The following C12orf42 variants were observed in gnomAD, a reference collection of about 807,000 sequenced individuals.
C12orf42 encodes chromosome 12 open reading frame 42, also known as uncharacterized protein C12orf42.
C12orf42 carries 25 observed loss-of-function variants against 21.6 expected under a neutral mutation model. That is an observed-to-expected ratio of 1.16 (90% CI 0.84 to 1.62). C12orf42 has a LOEUF of 1.62. C12orf42 is among the 40% of genes most tolerant of loss of function. The probability of loss-of-function intolerance (pLI) is 0.00; values close to 1 mark genes in which losing one functional copy is unlikely to be tolerated. For synonymous variants in C12orf42, 174 were observed against 175.0 expected (o/e 0.99, Z 0.05); for missense variants, 483 against 459.3 (o/e 1.05, Z -0.47).
At chr12:103,498,046 AG>A (rs1955615723), upstream of C12orf42, among the ~76,000 whole-genome samples, 1 of 152,116 alleles carries the variant, frequency 6.6e-6, no homozygotes, top group East Asian at 1.9e-4. Flanking sequence ...AAAAAAAAAA[AG>A]AAGAAAGAGA....
rs75666814 is a variant in C12orf42 at position 103,312,551 on chromosome 12, C to G, written c.260-6206G>C. Among the ~76,000 whole-genome samples the G allele has an allele frequency of 0.011, 1,743 of 152,274 alleles. 97 individuals carry two copies. In the East Asian group the frequency reaches 0.19, roughly 17 times the overall value. Reference sequence around the variant, plus strand: ...ATCAGAGTTTAAACTATCTGCCTCTCGAGGACCAACATTCTTAACCGTGTC... The same window carrying G: ...ATCAGAGTTTAAACTATCTGCCTCTGGAGGACCAACATTCTTAACCGTGTC... On this transcript the variant is annotated intron_variant, in intron 4 of 5. Coordinates refer to ENST00000548883, the MANE Select transcript of C12orf42 (RefSeq NM_198521.5).
the C12orf42 span, among the ~76,000 whole-genome samples, chr12:103,057,856 G>A: frequency 3.9e-5 from 6 of 152,022 alleles, no homozygotes; most frequent in African/African-American, 1.4e-4. Context: ...AGCATTGCCA[G>A]CATCCATTGT....
chr12:103,088,870 G>A, the C12orf42 span, among the ~76,000 whole-genome samples: 1,772 of 152,158 alleles, frequency 0.012, 36 homozygotes, highest in African/African-American at 0.04. Flanking sequence ...TTGGGAGGCC[G>A]AGGAGGCCAG....
chr12:103,437,712 T>C (rs1950850095), intron 2 of C12orf42, among the ~76,000 whole-genome samples: 1 of 149,548 alleles, frequency 6.7e-6, no homozygotes, highest in Middle Eastern at 3.2e-3. Flanking sequence ...CAGGAAGAAG[T>C]TGAATCTCTG....
At chr12:103,375,187 G>A (rs943895082) in intron 3 of C12orf42, among the ~76,000 whole-genome samples, 6 of 151,750 alleles carry the variant, frequency 4.0e-5, no homozygotes, top group African/African-American at 1.5e-4. Context: ...GAAAATTATA[G>A]GAAATGTCAG....
chr12:103,460,282 A>AAG (rs10535662), intron 2 of C12orf42, among the ~76,000 whole-genome samples: 1 of 143,120 alleles, frequency 7.0e-6, no homozygotes, highest in Non-Finnish European at 1.6e-5. Context: ...AAAAAAAAAA[A>AAG]AGAGAGAGAG....
rs11833847 is a variant in C12orf42 at position 103,489,599 on chromosome 12, G to A, written c.-22+6303C>T. Among the ~76,000 whole-genome samples, 861 of 152,254 alleles carry A rather than the reference G, an allele frequency of 5.7e-3. 11 individuals carry two copies. Among genetic ancestry groups the A allele is most frequent in the African/African-American group, 0.02 (820 of 41,538 alleles). On this transcript the variant is annotated intron_variant, in intron 1 of 5. Coordinates refer to ENST00000548883, the MANE Select transcript of C12orf42 (RefSeq NM_198521.5). ...CAGTAGGCCTTGCTGAGCTATGGTGGGTTCCCCCAGTTTGAGCTTCCCGGC... is the reference window on the plus strand; with the variant it reads ...CAGTAGGCCTTGCTGAGCTATGGTGAGTTCCCCCAGTTTGAGCTTCCCGGC...
the C12orf42 span, among the ~76,000 whole-genome samples, chr12:103,523,804 G>A: frequency 6.6e-6 from 1 of 151,658 alleles, no homozygotes; most frequent in Admixed American, 6.6e-5. Context: ...CCATAAAAGA[G>A]GTATTATTAG....
chr12:103,096,307 T>A, the C12orf42 span, among the ~76,000 whole-genome samples: 1,585 of 152,308 alleles, frequency 0.01, 9 homozygotes, highest in South Asian at 0.019. Context: ...ATGGAATAAT[T>A]TTTTTTCAAT....
chr12:103,281,919 GAAAGAA>G, intron 4 of C12orf42, among the ~76,000 whole-genome samples: 1 of 86,520 alleles, frequency 1.2e-5, no homozygotes, highest in Non-Finnish European at 2.5e-5. Flanking sequence ...GAAAGAAAAA[GAAAGAA>G]AGAAAGAAAG....
At position 103,481,881 on chromosome 12, in the gene C12orf42, G is replaced by T. The variant is rs906001710; in HGVS notation, c.-21-3434C>A. ...TCTTTTTCTAGTTTCTCCCCTCTAC[G>T]TCTTGGAAGTTATTCATACAATTTT... On this transcript the variant is annotated intron_variant, in intron 1 of 5. Transcript: ENST00000548883. Among the ~76,000 whole-genome samples the T allele has an allele frequency of 2.0e-5, 3 of 149,294 alleles. No homozygotes were observed. In the East Asian group the frequency reaches 5.8e-4, roughly 29 times the overall value.
chr12:103,483,941 T>C (rs1954647525), intron 1 of C12orf42, among the ~76,000 whole-genome samples: 1 of 152,212 alleles, frequency 6.6e-6, no homozygotes, highest in Non-Finnish European at 1.5e-5. Flanking sequence ...GATAGTTTGC[T>C]GAGAATGATA....
chr12:103,114,168 T>C, the C12orf42 span, among the ~76,000 whole-genome samples: 2 of 152,366 alleles, frequency 1.3e-5, no homozygotes, highest in South Asian at 2.1e-4. Flanking sequence ...TGCTTTCCAT[T>C]ATTGTTAAAG....
chr12:103,488,434 G>T (rs1450086414), intron 1 of C12orf42, among the ~76,000 whole-genome samples: 7 of 152,114 alleles, frequency 4.6e-5, no homozygotes, highest in Non-Finnish European at 1.0e-4. Flanking sequence ...GTGTCTTGGG[G>T]TTGCTCTTCT....
chr12:103,159,427 G>A, the C12orf42 span: 1 of 152,296 alleles, frequency 6.6e-6, no homozygotes, highest in African/African-American at 2.4e-5. Flanking sequence ...CTGAGGCTAT[G>A]ATGGTAAGTT....
chr12:103,456,829 T>G (rs1024038011), intron 2 of C12orf42, among the ~76,000 whole-genome samples: 1 of 152,202 alleles, frequency 6.6e-6, no homozygotes, highest in Non-Finnish European at 1.5e-5. Context: ...CAAGGGTATT[T>G]CTTATGTATT....
intron 4 of C12orf42, among the ~76,000 whole-genome samples, chr12:103,322,399 G>A (rs937232686): frequency 6.6e-6 from 1 of 151,972 alleles, no homozygotes; most frequent in Admixed American, 6.5e-5. Flanking sequence ...GTACCTTTCT[G>A]GGGCAGATGC....
intron 4 of C12orf42, among the ~76,000 whole-genome samples, chr12:103,355,639 G>A (rs1433360422): frequency 6.6e-6 from 1 of 152,090 alleles, no homozygotes; most frequent in African/African-American, 2.4e-5. Flanking sequence ...AGGTCACACA[G>A]CCAGTGGTTG....
At chr12:103,173,484 C>A in the C12orf42 span, among the ~76,000 whole-genome samples, 3 of 152,038 alleles carry the variant, frequency 2.0e-5, no homozygotes, top group African/African-American at 7.2e-5. Context: ...ATCTAAAAGC[C>A]CCTGCCTGCA....
Sources: allele counts gnomAD v4.1 joint callset (sites outside exome capture counted in the v4.1 genomes callset), GRCh38; gene constraint gnomAD v4.1.1; transcripts MANE v1.5; gene names NCBI Gene and HGNC (gene_info 2026-07-23, HGNC 2026-07-21).